The following TJP2 variants were observed in gnomAD, a reference collection of about 807,000 sequenced individuals.
The protein encoded by TJP2 is tight junction protein 2.
Under a neutral mutation model 133.1 loss-of-function variants are expected in TJP2, and 91 were observed. The observed-to-expected ratio is 0.68, with a 90% CI of 0.58 to 0.81. The LOEUF is 0.81. Ranked by LOEUF, TJP2 falls within the 40% of genes least tolerant of loss-of-function variation. The pLI is 0.00. For synonymous variants in TJP2, 592 were observed against 583.4 expected (o/e 1.01, Z -0.21); for missense variants, 1,541 against 1,565.6 (o/e 0.98, Z 0.26).
chr9:69,186,906 C>T (rs1825895177), intron 1 of TJP2, among the ~76,000 whole-genome samples: 1 of 152,086 alleles, frequency 6.6e-6, no homozygotes, highest in African/African-American at 2.4e-5. Context: ...CCTGGAACCT[C>T]CCCACAATCA....
At chr9:69,137,783 G>A (rs1313826698) in intron 1 of TJP2, among the ~76,000 whole-genome samples, 1 of 151,994 alleles carries the variant, frequency 6.6e-6, no homozygotes, top group Admixed American at 6.6e-5. Context: ...AGCTCATCTT[G>A]TCATTTGCCT....
At chr9:69,178,057 A>G (rs1169776066) in intron 1 of TJP2, among the ~76,000 whole-genome samples, 7 of 152,036 alleles carry the variant, frequency 4.6e-5, no homozygotes, top group East Asian at 3.8e-4. Context: ...TGGTGTCTCT[A>G]TCATCCAGCT....
intron 1 of TJP2, among the ~76,000 whole-genome samples, chr9:69,204,019 G>T (rs1034825235): frequency 2.6e-5 from 4 of 152,194 alleles, no homozygotes; most frequent in African/African-American, 9.7e-5. Flanking sequence ...CCCAGTGCCT[G>T]TCCAGCACCA....
At chr9:69,182,733 G>C (rs1253167463) in intron 1 of TJP2, among the ~76,000 whole-genome samples, 2 of 150,762 alleles carry the variant, frequency 1.3e-5, no homozygotes, top group African/African-American at 4.9e-5. Context: ...GAATTTATAT[G>C]TATGTATATA....
Position 69,226,247 on chromosome 9 carries a change from T to C in TJP2, c.1210+72T>C, listed in dbSNP as rs1829341308. 5 of 1,545,802 alleles carry C rather than the reference T, an allele frequency of 3.2e-6. No homozygotes were observed. In the East Asian group the frequency reaches 9.0e-5, roughly 28 times the overall value. On this transcript the variant is annotated intron_variant, in intron 7 of 22. Coordinates refer to ENST00000377245, the MANE Select transcript of TJP2 (RefSeq NM_004817.4). ...GTTGCTTCCCCATTCTTCTATTTAG[T>C]GTAGCTATCCAGCTGGAAGTTAAAT...
intron 1 of TJP2, among the ~76,000 whole-genome samples, chr9:69,130,016 A>G (rs1308218495): frequency 9.6e-3 from 32 of 3,326 alleles, no homozygotes; most frequent in African/African-American, 0.023. Flanking sequence ...ACTCTGCCTC[A>G]AAAAAAAAAA....
chr9:69,145,380 C>T (rs989505890), intron 1 of TJP2, among the ~76,000 whole-genome samples: 1 of 152,188 alleles, frequency 6.6e-6, no homozygotes, highest in Admixed American at 6.5e-5. Flanking sequence ...GAAGGATTAG[C>T]GGCCTCAAAG....
intron 19 of TJP2, chr9:69,248,510 T>A: frequency 1.5e-6 from 2 of 1,297,264 alleles, no homozygotes; most frequent in South Asian, 3.1e-5. Context: ...TCTGTCCAAA[T>A]TACCAGCGGA....
At chr9:69,160,968 A>G (rs573790066) in intron 2 of TJP2, among the ~76,000 whole-genome samples, 1 of 152,330 alleles carries the variant, frequency 6.6e-6, no homozygotes, top group South Asian at 2.1e-4. Flanking sequence ...GGGTGGGGAC[A>G]CAGCCAAACC....
intron 1 of TJP2, among the ~76,000 whole-genome samples, chr9:69,141,195 A>G (rs923230741): frequency 6.6e-6 from 1 of 152,204 alleles, no homozygotes; most frequent in African/African-American, 2.4e-5. Flanking sequence ...CAGAGAATCC[A>G]TGAATTATTA....
intron 18 of TJP2, among the ~76,000 whole-genome samples, chr9:69,247,190 G>T (rs1452780580): frequency 6.6e-6 from 1 of 152,212 alleles, no homozygotes; most frequent in Non-Finnish European, 1.5e-5. Flanking sequence ...AGCTAATGGA[G>T]TTAGAATTAC....
intron 1 of TJP2, among the ~76,000 whole-genome samples, chr9:69,141,861 T>TG (rs1823033173): frequency 6.6e-6 from 1 of 152,204 alleles, no homozygotes; most frequent in African/African-American, 2.4e-5. Flanking sequence ...AGTGCTGGGA[T>TG]TACAGGCGTG....
In TJP2 at chr9:69,221,473, T is replaced by A; in HGVS notation, c.929T>A (p.Leu310Gln). The change falls in exon 5 of 23, where the codon CTG becomes CAG. Residue 310 changes from leucine (L) to glutamine (Q), a missense_variant. Coordinates refer to ENST00000377245, the MANE Select transcript of TJP2 (RefSeq NM_004817.4). ...CGGCCGGGGCCCATCGGGGTCCTCC[T>A]GATGAAAAGCAGAGCGAACGAAGGT... Reference protein sequence around the residue: ...RGRPGPIGVLLMKSRANEEYG... With the variant: ...RGRPGPIGVLQMKSRANEEYG... 1.2e-6 allele frequency: 2 copies of A among 1,601,058 alleles called. No homozygotes were observed. The highest frequency in any genetic ancestry group is 1.7e-6 in the Non-Finnish European group (2 of 1,173,670).
At position 69,219,662 on chromosome 9, in the gene TJP2, G is replaced by A. The variant is rs994277073; in HGVS notation, c.343-1225G>A. Among the ~76,000 whole-genome samples, 2 of 152,096 alleles carry A rather than the reference G, an allele frequency of 1.3e-5. 1 individual carries two copies. Among genetic ancestry groups the A allele is most frequent in the South Asian group, 4.1e-4 (2 of 4,820 alleles). On this transcript the variant is annotated intron_variant, in intron 4 of 22. Coordinates refer to ENST00000377245, the MANE Select transcript of TJP2 (RefSeq NM_004817.4). ...TGATCTTGATCTCCTGGGTTCAAGCGATCCTTCCACCTCAGCCTCCCAAGG... is the reference window on the plus strand; with the variant it reads ...TGATCTTGATCTCCTGGGTTCAAGCAATCCTTCCACCTCAGCCTCCCAAGG...
At chr9:69,248,970 CAAAA>C (rs56986564) in intron 19 of TJP2, 367 of 908,834 alleles carry the variant, frequency 4.0e-4, no homozygotes, top group African/African-American at 2.0e-3. Flanking sequence ...ATAGAACTAC[CAAAA>C]AAAAAAAAAA....
Position 69,145,630 on chromosome 9 carries a change from C to T in TJP2, c.-130-6021C>T, listed in dbSNP as rs1258044555. 2.1e-5 allele frequency: 19 copies of T among 897,406 alleles called. No individual in the cohort carries two copies. The Admixed American group carries it at 7.8e-4, about 37-fold the overall frequency. 55.6% of individuals were successfully genotyped at this position (897,406 alleles called of 1,614,324 possible). On this transcript the variant is annotated intron_variant, in intron 1 of 5. Transcript: ENST00000423935. ...GAACATCCAAAGGAACAGCAGCTTC[C>T]ATTAAAGATTAGTTCAGTTGCTTCA...
intron 1 of TJP2, among the ~76,000 whole-genome samples, chr9:69,197,958 T>G (rs1199239079): frequency 6.6e-6 from 1 of 152,090 alleles, no homozygotes; most frequent in East Asian, 1.9e-4. Context: ...AAATGGGTGA[T>G]GATGCCATCG....
intron 1 of TJP2, among the ~76,000 whole-genome samples, chr9:69,184,205 A>G (rs536037858): frequency 6.6e-6 from 1 of 152,338 alleles, no homozygotes; most frequent in African/African-American, 2.4e-5. Flanking sequence ...CATTCTAGCT[A>G]TTTCAAGGAG....
At position 69,227,758 on chromosome 9, in the gene TJP2, A is replaced by G; in HGVS notation, c.1211-7A>G. On this transcript the variant is annotated splice_region_variant and splice_polypyrimidine_tract_variant and intron_variant, in intron 7 of 22. Transcript: ENST00000377245. ...ATTTAAAAGTCTTTTCTTATTTTTG[A>G]AACTAGATATTTCAGAAATAGAGTC... is the stretch of plus-strand genomic sequence containing the variant. 6.4e-7 allele frequency: 1 copy of G among 1,565,512 alleles called. No homozygotes were observed. Among genetic ancestry groups the G allele is most frequent in the South Asian group, 1.1e-5 (1 of 89,618 alleles).
Sources: allele counts gnomAD v4.1 joint callset (sites outside exome capture counted in the v4.1 genomes callset), GRCh38; gene constraint gnomAD v4.1.1; transcripts MANE v1.5; gene names NCBI Gene and HGNC (gene_info 2026-07-23, HGNC 2026-07-21).